MALRD1: variants seen among roughly 807,000 people sequenced by gnomAD.
The protein encoded by MALRD1 is MAM and LDL-receptor class A domain-containing protein 1.
In MALRD1, 247 loss-of-function variants were observed where a neutral mutation model predicts 242.1. That is an observed-to-expected ratio of 1.02 (90% confidence interval 0.92 to 1.13). The LOEUF (loss-of-function observed/expected upper bound fraction) is 1.13, where lower values mean the gene tolerates loss of function less well. Among genes scored for constraint, MALRD1 ranks in the 50% most tolerant of loss-of-function variants. MALRD1 has a pLI of 0.00. For missense variants in MALRD1, 2,989 were observed against 2,533.1 expected, an observed-to-expected ratio of 1.18 and a Z score of -3.86; for synonymous variants, 995 against 866.6, an observed-to-expected ratio of 1.15 and a Z score of -2.60.
At chr10:19,395,434 C>T (rs888759759) in intron 28 of MALRD1, among the ~76,000 whole-genome samples, 7 of 152,182 alleles carry the variant, frequency 4.6e-5, no homozygotes, top group Non-Finnish European at 1.0e-4. Flanking sequence ...GGGGAGAGGG[C>T]TTCCAGGTCA....
Position 19,450,374 on chromosome 10 carries a change from C to G in MALRD1, c.4913C>G (p.Ala1638Gly). 1.3e-6 allele frequency: 2 copies of G among 1,550,048 alleles called. No individual in the cohort carries two copies. Among genetic ancestry groups the G allele is most frequent in the East Asian group, 2.4e-5 (1 of 40,902 alleles). ...AACCCTGGTAATCATTGGCAAAAGG[C>G]TGACATCCTGCTAGGAAAGTTAAGG... ...KQNPGNHWQK[A>G]DILLGKLRNF... The change falls in exon 29 of 40, where the codon GCT (alanine) becomes GGT (glycine). Residue 1638 changes from alanine (A) to glycine (G), a missense_variant. Coordinates refer to ENST00000454679, the MANE Select transcript of MALRD1 (RefSeq NM_001142308.3).
At chr10:19,277,063 G>A (rs1025445608) in intron 19 of MALRD1, among the ~76,000 whole-genome samples, 3 of 151,962 alleles carry the variant, frequency 2.0e-5, no homozygotes, top group Non-Finnish European at 2.9e-5. Context: ...GGAACTACAG[G>A]TGTGGGCCAC....
intron 33 of MALRD1, among the ~76,000 whole-genome samples, chr10:19,568,690 A>AT (rs1836367201): frequency 1.3e-5 from 2 of 151,774 alleles, no homozygotes; most frequent in African/African-American, 4.8e-5. Flanking sequence ...ATAAGAAAAA[A>AT]ATATATATTC....
At chr10:19,515,858 G>T (rs557466871) in intron 31 of MALRD1, among the ~76,000 whole-genome samples, 6 of 152,180 alleles carry the variant, frequency 3.9e-5, no homozygotes, top group Admixed American at 3.9e-4. Context: ...GTGAGCCACC[G>T]TGCATGGCCA....
chr10:19,692,667 T>G, intron 38 of MALRD1, 113 bp downstream of exon 38: 1 of 756,186 alleles, frequency 1.3e-6, no homozygotes, highest in Non-Finnish European at 2.1e-6. Flanking sequence ...GAAACTTTAG[T>G]GTTTTGCTGC....
At chr10:19,450,281 C>T in intron 28 of MALRD1, 26 bp from the exon 29 acceptor site, 1 of 1,527,498 alleles carries the variant, frequency 6.5e-7, no homozygotes, top group Non-Finnish European at 8.8e-7. Context: ...TGATTATTTC[C>T]CTCATACAAA....
In MALRD1 at chr10:19,511,867, G is replaced by A. The variant is rs1833416253; in HGVS notation, c.5320+13221G>A. ...ACAGAGAAAAAATAAAAAAGACAAA[G>A]TTTTCATAATGAGAGAGGGGAGAAG... On this transcript the variant is annotated intron_variant, in intron 31 of 39. Transcript: ENST00000454679. Among the ~76,000 whole-genome samples the A allele has an allele frequency of 2.0e-5, 3 of 151,968 alleles. No individual in the cohort carries two copies. In the South Asian group the frequency reaches 6.2e-4, roughly 32 times the overall value.
chr10:19,464,947 AATT>A (rs1430965550), intron 29 of MALRD1, among the ~76,000 whole-genome samples: 172 of 81,028 alleles, frequency 2.1e-3, no homozygotes, highest in African/African-American at 6.4e-3. Flanking sequence ...GTATAATTCC[AATT>A]TTTTTTTTTT....
chr10:19,477,963 A>G (rs1836819099), intron 29 of MALRD1, among the ~76,000 whole-genome samples: 1 of 152,168 alleles, frequency 6.6e-6, no homozygotes, highest in Non-Finnish European at 1.5e-5. Flanking sequence ...ACCCTTTTCT[A>G]CTGGCACAGT....
chr10:19,481,873 T>C (rs1837008923), intron 29 of MALRD1, among the ~76,000 whole-genome samples: 1 of 152,088 alleles, frequency 6.6e-6, no homozygotes, highest in Admixed American at 6.5e-5. Context: ...CTGATAGCAA[T>C]TCATAAATAT....
intron 14 of MALRD1, among the ~76,000 whole-genome samples, chr10:19,181,916 A>C (rs1014930419): frequency 6.6e-6 from 1 of 152,154 alleles, no homozygotes; most frequent in African/African-American, 2.4e-5. Context: ...TATCGATTTA[A>C]TAGTGTTGTA....
chr10:19,427,391 A>G (rs1833942557), intron 28 of MALRD1, among the ~76,000 whole-genome samples: 1 of 152,154 alleles, frequency 6.6e-6, no homozygotes, highest in African/African-American at 2.4e-5. Flanking sequence ...TTTAATTCTC[A>G]CCCTGGTGTT....
At chr10:19,246,543 G>T (rs1839056321) in intron 18 of MALRD1, among the ~76,000 whole-genome samples, 1 of 152,012 alleles carries the variant, frequency 6.6e-6, no homozygotes, top group African/African-American at 2.4e-5. Context: ...CTGATTTGAG[G>T]CACTGCTTGA....
intron 29 of MALRD1, among the ~76,000 whole-genome samples, chr10:19,471,804 T>A (rs1836512437): frequency 6.6e-6 from 1 of 151,812 alleles, no homozygotes; most frequent in Admixed American, 6.6e-5. Flanking sequence ...TGTTTAATAA[T>A]TCTAACAGGG....
At chr10:19,203,620 C>T (rs1036773782) in intron 14 of MALRD1, 108 bp from the exon 15 acceptor site, 2 of 1,104,410 alleles carry the variant, frequency 1.8e-6, no homozygotes. Context: ...CATTGCCCTT[C>T]ATGTGCATAC....
intron 38 of MALRD1, among the ~76,000 whole-genome samples, chr10:19,705,530 T>C (rs1173441787): frequency 6.6e-6 from 1 of 152,162 alleles, no homozygotes; most frequent in Admixed American, 6.5e-5. Context: ...TGTGCATGTA[T>C]TGGCCACGCT....
intron 21 of MALRD1, among the ~76,000 whole-genome samples, chr10:19,313,500 A>G (rs900465916): frequency 8.6e-5 from 13 of 151,406 alleles, no homozygotes; most frequent in African/African-American, 3.1e-4. Context: ...GAATAGAATA[A>G]TTTGAATGTT....
chr10:19,142,035 T>A (rs570914009), intron 10 of MALRD1, among the ~76,000 whole-genome samples: 2 of 151,286 alleles, frequency 1.3e-5, no homozygotes, highest in African/African-American at 4.8e-5. Flanking sequence ...AGCCGGGCGT[T>A]GTGGTGGGCG....
At chr10:19,659,380 C>T (rs1841317038) in intron 36 of MALRD1, among the ~76,000 whole-genome samples, 1 of 152,038 alleles carries the variant, frequency 6.6e-6, no homozygotes, top group East Asian at 1.9e-4. Context: ...AACAGAAACA[C>T]AAAGGGATTA....
Sources: gnomAD v4.1 joint callset for allele counts (sites outside exome capture counted in the v4.1 genomes callset) on GRCh38, gnomAD v4.1.1 for gene constraint, MANE v1.5 for transcripts, NCBI Gene and HGNC (gene_info 2026-07-23, HGNC 2026-07-21) for gene names.